Variants in TAAR1 observed in about 807,000 individuals in gnomAD.
TAAR1 encodes the protein trace amine associated receptor 1, also known as trace amine-associated receptor 1.
Under a neutral mutation model 1.2 loss-of-function variants are expected in TAAR1, and 1 was observed. That is an observed-to-expected ratio of 0.81 (90% confidence interval 0.29 to 3.86). The LOEUF (loss-of-function observed/expected upper bound fraction) is 3.86. Among genes scored for constraint, TAAR1 ranks in the 30% most tolerant of loss-of-function variants. TAAR1 has a pLI of 0.18. For missense variants in TAAR1, 445 were observed against 405.6 expected (o/e 1.10, Z -0.83); for synonymous variants, 153 against 132.2 (o/e 1.16, Z -1.08).
At chr6:132,655,376 CTTTTTTT>C (rs6149815) in intron 1 of TAAR1, among the ~76,000 whole-genome samples, 35 of 133,370 alleles carry the variant, frequency 2.6e-4, no homozygotes, top group Admixed American at 2.1e-3. Context: ...TTCATTCATT[CTTTTTTT>C]TTTTTTTTTT....
Sources: gnomAD v4.1 joint callset for allele counts (sites outside exome capture counted in the v4.1 genomes callset) on GRCh38, gnomAD v4.1.1 for gene constraint, MANE v1.5 for transcripts, NCBI Gene and HGNC (gene_info 2026-07-23, HGNC 2026-07-21) for gene names.